The following PCDH9 variants were observed in gnomAD, a reference collection of about 807,000 sequenced individuals.
PCDH9 encodes the protein protocadherin 9.
A neutral mutation model predicts 70.6 loss-of-function variants in PCDH9; 24 were observed. The observed-to-expected ratio is 0.34, with a 90% CI of 0.25 to 0.48. The LOEUF (loss-of-function observed/expected upper bound fraction) is 0.48, where lower values mean the gene tolerates loss of function less well. Among genes scored for constraint, PCDH9 ranks in the 20% least tolerant of loss-of-function variants. The pLI is 0.99. For synonymous variants in PCDH9, 562 were observed against 558.5 expected (o/e 1.01, Z -0.09); for missense variants, 1,281 against 1,503.6 (o/e 0.85, Z 2.45).
chr13:67,119,330 T>C (rs1028900), intron 2 of PCDH9, among the ~76,000 whole-genome samples: 150,550 of 152,198 alleles, frequency 0.99, 74,480 homozygotes, highest in Middle Eastern at 1. Context: ...TATAGCTGTT[T>C]GGATCAACAC....
chr13:66,791,798 A>C (rs974680731), intron 3 of PCDH9, among the ~76,000 whole-genome samples: 4 of 152,130 alleles, frequency 2.6e-5, no homozygotes, highest in Non-Finnish European at 5.9e-5. Context: ...ACATATATAA[A>C]CCACACTCTG....
At chr13:66,314,012 A>G (rs1955608188) in intron 4 of PCDH9, among the ~76,000 whole-genome samples, 1 of 152,186 alleles carries the variant, frequency 6.6e-6, no homozygotes, top group Non-Finnish European at 1.5e-5. Flanking sequence ...CTGTCTTACC[A>G]TCACTTTAAA....
At chr13:66,887,072 C>T (rs1412653116) in intron 3 of PCDH9, among the ~76,000 whole-genome samples, 1 of 134,804 alleles carries the variant, frequency 7.4e-6, no homozygotes, top group Non-Finnish European at 1.7e-5. Flanking sequence ...CACACACACA[C>T]ACACACCCTG....
chr13:66,694,905 CTTTT>C (rs367904882), intron 3 of PCDH9, among the ~76,000 whole-genome samples: 2 of 141,758 alleles, frequency 1.4e-5, no homozygotes, highest in Non-Finnish European at 1.5e-5. Flanking sequence ...CACTTACATA[CTTTT>C]TTTTTTTTTT....
At chr13:66,635,958 A>G (rs980685483) in intron 3 of PCDH9, among the ~76,000 whole-genome samples, 1 of 152,190 alleles carries the variant, frequency 6.6e-6, no homozygotes, top group African/African-American at 2.4e-5. Context: ...AGTATTGACA[A>G]TACTTACAGT....
chr13:67,065,140 A>C (rs1374909929), intron 2 of PCDH9, among the ~76,000 whole-genome samples: 1 of 152,132 alleles, frequency 6.6e-6, no homozygotes, highest in East Asian at 1.9e-4. Context: ...ACTAGAGTGA[A>C]GCATGCTTAC....
intron 2 of PCDH9, among the ~76,000 whole-genome samples, chr13:67,143,868 G>A (rs2087457052): frequency 1.3e-5 from 2 of 152,086 alleles, no homozygotes; most frequent in Admixed American, 6.6e-5. Context: ...CATTCTTTAG[G>A]AAGACGATGA....
intron 3 of PCDH9, among the ~76,000 whole-genome samples, chr13:66,753,205 A>G (rs1209283340): frequency 6.6e-6 from 1 of 152,110 alleles, no homozygotes; most frequent in Non-Finnish European, 1.5e-5. Flanking sequence ...TGCCTTAAAC[A>G]TTTTCATATC....
At chr13:67,193,452 T>C (rs2088975434) in intron 2 of PCDH9, among the ~76,000 whole-genome samples, 1 of 152,034 alleles carries the variant, frequency 6.6e-6, no homozygotes, top group South Asian at 2.1e-4. Flanking sequence ...TTTTCTCTAA[T>C]CAGGTTTCAT....
At chr13:66,959,219 G>A (rs1305221947) in intron 2 of PCDH9, among the ~76,000 whole-genome samples, 1 of 152,104 alleles carries the variant, frequency 6.6e-6, no homozygotes, top group African/African-American at 2.4e-5. Flanking sequence ...ACATATAAGA[G>A]ATGTCACTTA....
At chr13:67,008,556 G>T (rs983529527) in intron 2 of PCDH9, among the ~76,000 whole-genome samples, 2 of 152,000 alleles carry the variant, frequency 1.3e-5, no homozygotes, top group Non-Finnish European at 2.9e-5. Flanking sequence ...ATAAATAAGA[G>T]TCAGCATATT....
At chr13:66,851,670 T>C (rs180905335) in intron 3 of PCDH9, among the ~76,000 whole-genome samples, 1 of 152,170 alleles carries the variant, frequency 6.6e-6, no homozygotes, top group East Asian at 1.9e-4. Context: ...TTATTGCGGA[T>C]TTTGCCATTA....
intron 4 of PCDH9, among the ~76,000 whole-genome samples, chr13:66,392,762 G>C (rs757561366): frequency 1.2e-4 from 18 of 152,090 alleles, no homozygotes; most frequent in Non-Finnish European, 1.8e-4. Context: ...TGCTACAAAG[G>C]TAGCATCTTT....
Position 66,501,979 on chromosome 13 carries a change from A to C in PCDH9, c.3340+129231T>G, listed in dbSNP as rs374611747. The stretch of plus-strand genomic sequence containing the variant: ...TGTTCTGGTCTGGAGTTAGTGCATT[A>C]GGCATCCTGAAGGTGATGTGAAGGC... On this transcript the variant is annotated intron_variant, in intron 4 of 4. Coordinates refer to ENST00000377865, the MANE Select transcript of PCDH9 (RefSeq NM_203487.3). Among the ~76,000 whole-genome samples, 31 of 152,236 alleles carry C rather than the reference A, an allele frequency of 2.0e-4. No homozygotes were observed. In the East Asian group the frequency reaches 5.2e-3, roughly 26 times the overall value.
chr13:67,042,007 TTC>T (rs912878614), intron 2 of PCDH9, among the ~76,000 whole-genome samples: 6 of 152,234 alleles, frequency 3.9e-5, no homozygotes, highest in Admixed American at 1.3e-4. Flanking sequence ...CAATTCTCCA[TTC>T]TCTCTTTCCT....
chr13:66,312,741 A>T (rs183202385), intron 4 of PCDH9, among the ~76,000 whole-genome samples: 96 of 152,316 alleles, frequency 6.3e-4, no homozygotes, highest in Middle Eastern at 6.8e-3. Flanking sequence ...TTAGATCTGC[A>T]TTTGTGAATG....
At chr13:66,683,439 C>T (rs1208227697) in intron 3 of PCDH9, among the ~76,000 whole-genome samples, 2 of 152,192 alleles carry the variant, frequency 1.3e-5, no homozygotes, top group African/African-American at 4.8e-5. Flanking sequence ...TCACACTAAA[C>T]AGCCACTGGG....
intron 2 of PCDH9, among the ~76,000 whole-genome samples, chr13:66,955,909 T>C (rs2083259660): frequency 6.6e-6 from 1 of 152,050 alleles, no homozygotes; most frequent in Non-Finnish European, 1.5e-5. Flanking sequence ...CTGGCCAATA[T>C]GGTGAAACCC....
At chr13:67,074,740 T>C (rs997849899) in intron 2 of PCDH9, among the ~76,000 whole-genome samples, 3 of 152,154 alleles carry the variant, frequency 2.0e-5, no homozygotes, top group African/African-American at 7.2e-5. Flanking sequence ...TTGCCTAATG[T>C]GTTTTAATGT....
Sources: allele counts gnomAD v4.1 joint callset (sites outside exome capture counted in the v4.1 genomes callset), GRCh38; gene constraint gnomAD v4.1.1; transcripts MANE v1.5; gene names NCBI Gene and HGNC (gene_info 2026-07-23, HGNC 2026-07-21).